The following CD46 variants were observed in gnomAD, a reference collection of about 807,000 sequenced individuals.
The protein encoded by CD46 is CD46 molecule, also known as membrane cofactor protein.
In CD46, 30 loss-of-function variants were observed where a neutral mutation model predicts 53.3. That is an observed-to-expected ratio of 0.56 (90% CI 0.42 to 0.76). The LOEUF (loss-of-function observed/expected upper bound fraction) is 0.76. CD46 is among the 30% of genes least tolerant of loss of function. The pLI is 0.00. For synonymous variants in CD46, 142 were observed against 152.0 expected, an observed-to-expected ratio of 0.93 and a Z score of 0.48; for missense variants, 409 against 463.0, an observed-to-expected ratio of 0.88 and a Z score of 1.07.
chr1:207,766,333 A>G (rs1656845408), intron 5 of CD46, among the ~76,000 whole-genome samples: 1 of 152,216 alleles, frequency 6.6e-6, no homozygotes, highest in Non-Finnish European at 1.5e-5. Context: ...TACAAATAAC[A>G]TTAGGTACAA....
chr1:207,787,957 G>T (rs1319102324), intron 11 of CD46, among the ~76,000 whole-genome samples: 2 of 152,148 alleles, frequency 1.3e-5, no homozygotes, highest in African/African-American at 4.8e-5. Context: ...TGGGTTTGGG[G>T]TGGAGCCTGA....
At chr1:207,757,902 G>T (rs41317053) in intron 3 of CD46, among the ~76,000 whole-genome samples, 2 of 152,214 alleles carry the variant, frequency 1.3e-5, no homozygotes, top group South Asian at 4.1e-4. Context: ...GTAATCATGA[G>T]AATTTGTCCT....
chr1:207,791,342 ATAAC>A (rs1471885056), intron 12 of CD46, among the ~76,000 whole-genome samples: 1 of 152,228 alleles, frequency 6.6e-6, no homozygotes, highest in Admixed American at 6.5e-5. Flanking sequence ...GCAATAACTA[ATAAC>A]TAATAATATC....
intron 1 of CD46, among the ~76,000 whole-genome samples, chr1:207,754,270 C>G (rs1017915281): frequency 6.6e-6 from 1 of 152,136 alleles, no homozygotes; most frequent in Non-Finnish European, 1.5e-5. Flanking sequence ...GCTTGCTGTT[C>G]CCTCAGCCCA....
At chr1:207,789,370 G>A (rs1174196705) in intron 11 of CD46, among the ~76,000 whole-genome samples, 1 of 152,056 alleles carries the variant, frequency 6.6e-6, no homozygotes, top group Non-Finnish European at 1.5e-5. Context: ...AAAAATAGTG[G>A]TCAGTTCAGG....
Position 207,767,137 on chromosome 1 carries a change from C to G in CD46, c.798C>G (p.Asp266Glu), listed in dbSNP as rs754385690. Residue 266 changes from aspartate to glutamate, a missense_variant, in exon 6 of 13, where the codon GAC (aspartate) becomes GAG (glutamate). Asp to Glu is a conservative substitution (Grantham distance 45, BLOSUM62 2). Coordinates refer to ENST00000367042, the MANE Select transcript of CD46 (RefSeq NM_172351.3). ...CDKGFYLDGS[D>E]TIVCDSNSTW... ...AGGGTTTTTACCTCGATGGCAGCGA[C>G]ACAATTGTCTGTGACAGTAACAGTA... 1 of 1,613,892 alleles carries G rather than the reference C, an allele frequency of 6.2e-7. No homozygotes were observed.
rs35546891 is a variant in CD46 at position 207,782,640 on chromosome 1, C to CTT, written c.944-627_944-626dup. 1.1e-3 allele frequency among the ~76,000 whole-genome samples: 67 copies of CTT among 62,646 alleles called. 4 individuals are homozygous for CTT. The highest frequency in any genetic ancestry group is 1.7e-3 in the African/African-American group (24 of 14,278). 41.1% of individuals were successfully genotyped at this position (62,646 alleles called of 152,430 possible). On this transcript the variant is annotated intron_variant, in intron 8 of 12. Coordinates refer to ENST00000367042, the MANE Select transcript of CD46 (RefSeq NM_172351.3). The stretch of plus-strand genomic sequence containing the variant: ...AAAGCATTTATTTTTATTAATCCCT[C>CTT]TTTTTTTTTTTTTTTTTTTTTTTTT...
intron 3 of CD46, among the ~76,000 whole-genome samples, chr1:207,759,392 G>A (rs1655926678): frequency 1.3e-5 from 2 of 152,224 alleles, no homozygotes; most frequent in South Asian, 4.1e-4. Context: ...CAAAGAGGCT[G>A]GGTGGAAAGG....
intron 1 of CD46, among the ~76,000 whole-genome samples, chr1:207,754,953 T>TAAAA: frequency 7.5e-6 from 1 of 133,112 alleles, no homozygotes; most frequent in Non-Finnish European, 1.6e-5. Flanking sequence ...ACAAAACATG[T>TAAAA]AAAAAAAAAA....
At chr1:207,788,857 A>G (rs1462452841) in intron 11 of CD46, among the ~76,000 whole-genome samples, 1 of 152,242 alleles carries the variant, frequency 6.6e-6, no homozygotes, top group Non-Finnish European at 1.5e-5. Context: ...CATCATTTAC[A>G]TTACTTGATA....
chr1:207,759,780 T>G (rs1173609032), intron 4 of CD46, 56 bp downstream of exon 4: 9 of 949,796 alleles, frequency 9.5e-6, no homozygotes, highest in Non-Finnish European at 1.4e-5. Flanking sequence ...GATTTTTGCC[T>G]CCTTTACACC....
chr1:207,758,839 G>A (rs1655863650), intron 3 of CD46, among the ~76,000 whole-genome samples: 2 of 152,138 alleles, frequency 1.3e-5, no homozygotes, highest in South Asian at 4.1e-4. Context: ...TTAAGACAGT[G>A]ACCTTCCTAA....
intron 5 of CD46, among the ~76,000 whole-genome samples, chr1:207,764,199 G>C (rs891756427): frequency 9.9e-5 from 15 of 152,122 alleles, no homozygotes; most frequent in African/African-American, 3.6e-4. Flanking sequence ...ACCTGCTCTG[G>C]GCACGGACTG....
chr1:207,752,412 G>T lies in CD46; in HGVS notation c.97+103G>T. The T allele has an allele frequency of 9.0e-7, 1 of 1,109,132 alleles. No individual in the cohort carries two copies. The highest frequency in any genetic ancestry group is 1.2e-5 in the South Asian group (1 of 81,000). The allele number at this position is 1,109,132 out of a possible 1,614,324, so 68.7% of individuals were successfully genotyped here. A position where few individuals can be genotyped will look rare whatever the true frequency, so the allele number is the denominator to read the frequency against. On this transcript the variant is annotated intron_variant, in intron 1 of 12. Transcript: ENST00000367042. The surrounding 1 kb of genome is among the most constrained non-coding windows in gnomAD (Gnocchi z 4.1). ...GCTCACAGCAGGCCGTGCCTGTTTG[G>T]GGACAGGGTTCTCTGAGGGGTGCAG...
chr1:207,752,199 C>T lies in CD46; in HGVS notation c.-14C>T, dbSNP rs754836351. The T allele has an allele frequency of 1.2e-6, 2 of 1,612,528 alleles. No homozygotes were observed. The highest frequency in any genetic ancestry group is 2.2e-5 in the East Asian group (1 of 44,874). On this transcript the variant is annotated 5_prime_UTR_variant, in exon 1 of 13. Transcript: ENST00000367042. The surrounding 1 kb of genome is among the most constrained non-coding windows in gnomAD (Gnocchi z 4.1). ...CTTTCCTCCGGAGAAATAACAGCGT[C>T]TTCCGCGCCGCGCATGGAGCCTCCC...
At position 207,787,573 on chromosome 1, in the gene CD46, C is replaced by G. The variant is rs41317987; in HGVS notation, c.1082+1891C>G. Among the ~76,000 whole-genome samples the G allele has an allele frequency of 2.7e-3, 407 of 152,102 alleles. 2 individuals carry two copies. Among genetic ancestry groups the G allele is most frequent in the African/African-American group, 9.4e-3 (390 of 41,482 alleles). On this transcript the variant is annotated intron_variant, in intron 11 of 12. Coordinates refer to ENST00000367042, the MANE Select transcript of CD46 (RefSeq NM_172351.3). ...TTTTGGGAAGGTATGATATCTTTAG[C>G]CAATGCAACATAATTAATCCTGCAA...
chr1:207,793,476 A>G (rs773186229), intron 12 of CD46, 43 bp from the exon 13 acceptor site: 4 of 1,446,244 alleles, frequency 2.8e-6, no homozygotes, highest in Non-Finnish European at 3.9e-6. Context: ...TCTGTACTTA[A>G]TTATATTTAT....
chr1:207,761,718 C>A (rs199924027), intron 5 of CD46, among the ~76,000 whole-genome samples: 62 of 147,098 alleles, frequency 4.2e-4, no homozygotes, highest in Non-Finnish European at 2.9e-4. Flanking sequence ...TTGAAAGAAC[C>A]AAAAAAAAAA....
At chr1:207,768,925 A>G (rs1657147533) in intron 7 of CD46, 1 of 152,200 alleles carries the variant, frequency 6.6e-6, no homozygotes, top group African/African-American at 2.4e-5. Flanking sequence ...AATATTTTAA[A>G]GGATCGAAGA....
Sources: allele counts gnomAD v4.1 joint callset (sites outside exome capture counted in the v4.1 genomes callset), GRCh38; gene constraint gnomAD v4.1.1; non-coding constraint Gnocchi (gnomAD v3.1); transcripts MANE v1.5; gene names NCBI Gene and HGNC (gene_info 2026-07-23, HGNC 2026-07-21).